The following MTMR3 variants were observed in gnomAD, a reference collection of about 807,000 sequenced individuals.
The protein encoded by MTMR3 is phosphatidylinositol-3,5-bisphosphate 3-phosphatase MTMR3.
A neutral mutation model predicts 132.4 loss-of-function variants in MTMR3; 32 were observed. That is an observed-to-expected ratio of 0.24 (90% CI 0.18 to 0.32). The LOEUF is 0.32. Ranked by LOEUF, MTMR3 falls within the 10% of genes least tolerant of loss-of-function variation. The pLI, the probability that MTMR3 is intolerant of heterozygous loss-of-function variation, is 1.00. For synonymous variants in MTMR3, 556 were observed against 550.3 expected, an observed-to-expected ratio of 1.01 and a Z score of -0.14; for missense variants, 1,216 against 1,489.6, an observed-to-expected ratio of 0.82 and a Z score of 3.02.
chr22:29,996,601 G>C (rs950777384), intron 7 of MTMR3: 2 of 152,206 alleles, frequency 1.3e-5, no homozygotes, highest in African/African-American at 4.8e-5. Flanking sequence ...AAGACTTGGA[G>C]CTATATCCCA....
intron 12 of MTMR3, 31 bp downstream of exon 12, chr22:30,009,160 A>G: frequency 3.5e-6 from 5 of 1,446,942 alleles, no homozygotes; most frequent in Non-Finnish European, 4.9e-6. Flanking sequence ...TTCATTTTGC[A>G]TTGCTCTTAA....
At chr22:29,893,553 G>A (rs1415375021) in intron 1 of MTMR3, among the ~76,000 whole-genome samples, 1 of 152,068 alleles carries the variant, frequency 6.6e-6, no homozygotes, top group African/African-American at 2.4e-5. Context: ...TTGTACATAT[G>A]GTTGACTTAC....
rs547365111 is a variant in MTMR3, at chr22:29,940,628, C to T, written c.-137-16408C>T. ...GAACATTCTTTAAGGTCCAGCTTTT[C>T]TCACCCTGCCCCACCTTTTTAAAAA... On this transcript the variant is annotated intron_variant, in intron 1 of 19. Transcript: ENST00000401950. Among the ~76,000 whole-genome samples, 1,033 of 150,062 alleles carry T rather than the reference C, an allele frequency of 6.9e-3. 22 individuals carry two copies. Among genetic ancestry groups the T allele is most frequent in the Non-Finnish European group, 0.011 (729 of 68,014 alleles).
chr22:29,967,238 C>CGCGT (rs1569028511), intron 2 of MTMR3, among the ~76,000 whole-genome samples: 7 of 129,632 alleles, frequency 5.4e-5, no homozygotes, highest in African/African-American at 2.3e-4. Flanking sequence ...TGTGTGCATG[C>CGCGT]GCGCGCGCGC....
chr22:30,006,254 G>A (rs2067271799), intron 9 of MTMR3: 1 of 152,218 alleles, frequency 6.6e-6, no homozygotes, highest in Non-Finnish European at 1.5e-5. Context: ...AAAAGGATAT[G>A]TCAGAGTATG....
At chr22:29,956,648 A>G (rs2066197738) in intron 1 of MTMR3, among the ~76,000 whole-genome samples, 1 of 152,212 alleles carries the variant, frequency 6.6e-6, no homozygotes, top group African/African-American at 2.4e-5. Context: ...ACCTTAAAAT[A>G]AGTCCAAGCC....
At chr22:29,932,506 G>A (rs939248546) in intron 1 of MTMR3, among the ~76,000 whole-genome samples, 11 of 152,108 alleles carry the variant, frequency 7.2e-5, no homozygotes, top group African/African-American at 1.4e-4. Context: ...GGGAAGGCAC[G>A]GAAGTGATCA....
In MTMR3 at chr22:30,020,017, G is replaced by C. The variant is rs1233337459; in HGVS notation, c.2358G>C (p.Glu786Asp). 1 of 1,614,072 alleles carries C rather than the reference G, an allele frequency of 6.2e-7. No homozygotes were observed. Among genetic ancestry groups the C allele is most frequent in the Non-Finnish European group, 8.5e-7 (1 of 1,180,038 alleles). The change falls in exon 17 of 20, where the codon GAG (glutamate) becomes GAC (aspartate). Residue 786 changes from glutamate to aspartate, a missense_variant. Glu to Asp is a conservative substitution (Grantham distance 45, BLOSUM62 2). Coordinates refer to ENST00000401950, the MANE Select transcript of MTMR3 (RefSeq NM_021090.4). The part of the protein sequence containing the change: ...LSSLQVPPRG[E>D]DSLEVPVEQF... ...CTCTCCAGGTCCCCCCCAGGGGAGA[G>C]GATTCCCTGGAGGTCCCTGTGGAGC...
At chr22:29,926,719 A>G (rs60098050) in intron 1 of MTMR3, among the ~76,000 whole-genome samples, 4,938 of 152,164 alleles carry the variant, frequency 0.032, 278 homozygotes, top group African/African-American at 0.11. Context: ...TTCTTTGCCT[A>G]TTTTTAATTT....
chr22:30,019,370 T>G (rs2067688511), intron 16 of MTMR3, 110 bp from the exon 17 acceptor site: 4 of 984,426 alleles, frequency 4.1e-6, no homozygotes, highest in Non-Finnish European at 5.9e-6. Flanking sequence ...GCTCCATGAG[T>G]AGCCATAATG....
At chr22:30,023,787 T>A (rs2067830853) in intron 19 of MTMR3, 2 of 405,516 alleles carry the variant, frequency 4.9e-6, no homozygotes, top group African/African-American at 4.1e-5. Context: ...TTTTCAGAGC[T>A]ATTTATTTTG....
chr22:29,948,136 GT>G (rs2145825487), intron 1 of MTMR3, among the ~76,000 whole-genome samples: 1 of 152,332 alleles, frequency 6.6e-6, no homozygotes, highest in Admixed American at 6.5e-5. Context: ...AATTTTGTCT[GT>G]CTTTGAATGT....
chr22:29,946,533 A>G (rs1307140935), intron 1 of MTMR3, among the ~76,000 whole-genome samples: 1 of 152,228 alleles, frequency 6.6e-6, no homozygotes, highest in Non-Finnish European at 1.5e-5. Flanking sequence ...TTAATGGATT[A>G]GAAAAATGTC....
chr22:29,894,006 C>T (rs1443634078), intron 1 of MTMR3, among the ~76,000 whole-genome samples: 1 of 152,050 alleles, frequency 6.6e-6, no homozygotes, highest in Admixed American at 6.6e-5. Flanking sequence ...CCACCACAGC[C>T]AGCTGATTTT....
chr22:29,968,628 C>T (rs767131296), intron 2 of MTMR3, among the ~76,000 whole-genome samples: 45 of 152,114 alleles, frequency 3.0e-4, no homozygotes, highest in Non-Finnish European at 4.9e-4. Context: ...ATTTTCTTTG[C>T]AGCAGTTGCC....
At chr22:29,943,094 T>C (rs2145815273) in intron 1 of MTMR3, among the ~76,000 whole-genome samples, 1 of 152,338 alleles carries the variant, frequency 6.6e-6, no homozygotes, top group African/African-American at 2.4e-5. Context: ...AACTAATAAA[T>C]GTCCATGAAA....
intron 3 of MTMR3, among the ~76,000 whole-genome samples, chr22:29,977,873 A>T (rs1185135331): frequency 6.6e-6 from 1 of 152,248 alleles, no homozygotes; most frequent in Non-Finnish European, 1.5e-5. Flanking sequence ...GGGGCTGGGC[A>T]CAGTGGCTCA....
rs2067954297 is a variant in MTMR3, at chr22:30,028,536, T to A, written c.*2735T>A. ...ACTGTTGGGCATCCCTCCCATCACA[T>A]GGGTCTGTGGGTGAGATATGTTATG... On this transcript the variant is annotated 3_prime_UTR_variant, in exon 20 of 20. Transcript: ENST00000401950. 2 of 152,346 alleles carry A rather than the reference T, an allele frequency of 1.3e-5. No homozygotes were observed. The highest frequency in any genetic ancestry group is 4.1e-4 in the South Asian group (2 of 4,834). 9.4% of individuals were successfully genotyped at this position (152,346 alleles called of 1,614,324 possible).
At chr22:29,997,282 A>C (rs1304861267) in intron 7 of MTMR3, 2 of 152,190 alleles carry the variant, frequency 1.3e-5, no homozygotes, top group Non-Finnish European at 2.9e-5. Flanking sequence ...GAAGTAGTTT[A>C]ACAGAATTGT....
Sources: gnomAD v4.1 joint callset for allele counts (sites outside exome capture counted in the v4.1 genomes callset) on GRCh38, gnomAD v4.1.1 for gene constraint, MANE v1.5 for transcripts, NCBI Gene and HGNC (gene_info 2026-07-23, HGNC 2026-07-21) for gene names.